KDM5B: variants seen among roughly 807,000 people sequenced by gnomAD.
KDM5B encodes lysine demethylase 5B, also known as lysine-specific demethylase 5B.
KDM5B carries 144 observed loss-of-function variants against 193.4 expected under a neutral mutation model. The ratio of observed to expected loss-of-function variants is 0.74; its 90% confidence interval spans 0.65 to 0.86. The LOEUF (loss-of-function observed/expected upper bound fraction) is 0.86. KDM5B is among the 40% of genes least tolerant of loss of function. KDM5B has a pLI of 0.00. For missense variants in KDM5B, 1,833 were observed against 1,886.9 expected (o/e 0.97, Z 0.53); for synonymous variants, 668 against 682.6 (o/e 0.98, Z 0.33).
At position 202,724,855 on chromosome 1, in the gene KDM5B, G is replaced by T. The variant is rs1654622223; in HGVS notation, c.*4181C>A. ...GCACTCTTCTCCAACTTCTAGCTAG[G>T]TAAGTTTGCCAGGAGCTAAAAGTTT... On this transcript the variant is annotated 3_prime_UTR_variant, in exon 27 of 27. Transcript: ENST00000367265. The T allele has an allele frequency of 6.6e-6, 1 of 152,192 alleles. No homozygotes were observed. The highest frequency in any genetic ancestry group is 1.5e-5 in the Non-Finnish European group (1 of 68,034). 9.4% of individuals were successfully genotyped at this position (152,192 alleles called of 1,614,324 possible). A position where few individuals can be genotyped will look rare whatever the true frequency, so the allele number is the denominator to read the frequency against.
chr1:202,768,977 G>A (rs961115227), intron 4 of KDM5B, among the ~76,000 whole-genome samples: 1 of 151,344 alleles, frequency 6.6e-6, no homozygotes, highest in African/African-American at 2.4e-5. Context: ...GCCTCCCAAA[G>A]TGCTGGGATT....
In KDM5B at chr1:202,750,723, T is replaced by G; in HGVS notation, c.1757A>C (p.Tyr586Ser). The change falls in exon 13 of 27, where the codon TAC (tyrosine) becomes TCC (serine). Residue 586 changes from tyrosine to serine, a missense_variant. Around this residue, in one of 3 missense-constraint regions of KDM5B, gnomAD observed 1,379 missense variants for 1,349.6 expected, o/e 1.02. Transcript: ENST00000367265. ...GEFVITFPRA[Y>S]HSGFNQGFNF... ...AAAACCCTGGTTAAAACCACTGTGGTAGGCTCTTGGAAATGTAATCACAAA... is the reference window on the plus strand; with the variant it reads ...AAAACCCTGGTTAAAACCACTGTGGGAGGCTCTTGGAAATGTAATCACAAA... 6.2e-7 allele frequency: 1 copy of G among 1,613,912 alleles called. No individual in the cohort carries two copies. The highest frequency in any genetic ancestry group is 8.5e-7 in the Non-Finnish European group (1 of 1,179,804).
chr1:202,807,972 AG>A (rs1185195428), intron 1 of KDM5B, 129 bp downstream of exon 1: 1 of 884,382 alleles, frequency 1.1e-6, no homozygotes, highest in Non-Finnish European at 1.6e-6. Flanking sequence ...CCTTCTAGGC[AG>A]CCCCAAACTT....
chr1:202,740,595 A>C (rs1299899432), intron 20 of KDM5B, 79 bp downstream of exon 20: 281 of 1,148,878 alleles, frequency 2.4e-4, no homozygotes, highest in Middle Eastern at 6.7e-4. Flanking sequence ...TGACCCCCCC[A>C]CCTCCCTCCC....
rs1215067820 is a variant in KDM5B at position 202,774,549 on chromosome 1, A to G, written c.405+64T>C. 4 of 1,497,526 alleles carry G rather than the reference A, an allele frequency of 2.7e-6. No individual in the cohort carries two copies. In the Admixed American group the frequency reaches 7.3e-5, roughly 27 times the overall value. 92.8% of individuals were successfully genotyped at this position (1,497,526 alleles called of 1,614,324 possible). A position where few individuals can be genotyped will look rare whatever the true frequency, so the allele number is the denominator to read the frequency against. Reference sequence around the variant, plus strand: ...AGCAATAAGTTCCTTTTTAAGGCAAAGAAGATCAAATTCATTCTGTCAGTA... The same window carrying G: ...AGCAATAAGTTCCTTTTTAAGGCAAGGAAGATCAAATTCATTCTGTCAGTA... On this transcript the variant is annotated intron_variant, in intron 3 of 26. Transcript: ENST00000367265.
At chr1:202,755,819 C>A (rs564507909) in intron 10 of KDM5B, among the ~76,000 whole-genome samples, 1 of 151,972 alleles carries the variant, frequency 6.6e-6, no homozygotes, top group South Asian at 2.1e-4. Context: ...TGAAGGAGAG[C>A]GGGCGAAAAG....
At chr1:202,770,445 G>C (rs889048882) in intron 4 of KDM5B, among the ~76,000 whole-genome samples, 2 of 151,960 alleles carry the variant, frequency 1.3e-5, no homozygotes, top group African/African-American at 2.4e-5. Flanking sequence ...TTTTTCTTAA[G>C]TATATGTTCT....
chr1:202,808,023 C>A, intron 1 of KDM5B, 79 bp downstream of exon 1: 1 of 1,416,608 alleles, frequency 7.1e-7, no homozygotes, highest in South Asian at 1.4e-5. Context: ...GCCCCCCGCG[C>A]CTCGGGCCTC....
Position 202,756,403 on chromosome 1 carries a change from G to C in KDM5B, c.1311C>G (p.Gly437=). Residue 437 remains glycine, a synonymous_variant, in exon 10 of 27, where the codon GGC becomes GGG. Transcript: ENST00000367265. ...ADIASKEFGS[G]FPVRDGKIKL... is the part of the protein sequence containing the mutation. ...TGATTTTCCCATCTCGGACAGGAAA[G>C]CCACTGCCAAATTCCTTTGAGGCAA... 1 of 1,613,342 alleles carries C rather than the reference G, an allele frequency of 6.2e-7. No homozygotes were observed. The highest frequency in any genetic ancestry group is 8.5e-7 in the Non-Finnish European group (1 of 1,179,592).
In KDM5B at chr1:202,733,737, T is replaced by C. The variant is rs370254928; in HGVS notation, c.3573A>G (p.Gln1191=). The part of the protein sequence containing the change: ...CQKAPAAPMI[Q]CELCRDAFHT... ...GGAAAGCATCCCTGCAGAGTTCACA[T>C]TGAATCATAGGGGCAGCTGGGGCCT... is the stretch of plus-strand genomic sequence containing the variant. The change falls in exon 23 of 27, where the codon CAA becomes CAG. Residue 1191 remains glutamine, a synonymous_variant. Coordinates refer to ENST00000367265, the MANE Select transcript of KDM5B (RefSeq NM_006618.5). 2.6e-5 allele frequency: 42 copies of C among 1,614,114 alleles called. No homozygotes were observed. The highest frequency in any genetic ancestry group is 1.3e-4 in the Admixed American group (8 of 60,012).
chr1:202,741,049 A>G (rs564573105), intron 19 of KDM5B, among the ~76,000 whole-genome samples: 1 of 152,336 alleles, frequency 6.6e-6, no homozygotes, highest in Non-Finnish European at 1.5e-5. Flanking sequence ...GAGTTTAAAC[A>G]GCTTCACCTA....
chr1:202,753,417 C>G (rs941240998), intron 11 of KDM5B, among the ~76,000 whole-genome samples: 9 of 152,016 alleles, frequency 5.9e-5, no homozygotes, highest in African/African-American at 2.2e-4. Context: ...TTCACTTGAC[C>G]CCAGGAGGTG....
At chr1:202,785,383 A>C (rs1463880532) in intron 1 of KDM5B, among the ~76,000 whole-genome samples, 1 of 152,108 alleles carries the variant, frequency 6.6e-6, no homozygotes, top group Non-Finnish European at 1.5e-5. Flanking sequence ...CATTTTTTTT[A>C]AAACACAGTG....
chr1:202,738,373 T>C (rs1399237270), intron 20 of KDM5B, among the ~76,000 whole-genome samples: 2 of 152,232 alleles, frequency 1.3e-5, no homozygotes, highest in Non-Finnish European at 2.9e-5. Flanking sequence ...CTAAAACTAA[T>C]TACTACAATA....
chr1:202,780,180 TTTA>T (rs200129057), intron 1 of KDM5B, among the ~76,000 whole-genome samples: 4 of 152,008 alleles, frequency 2.6e-5, no homozygotes, highest in South Asian at 2.1e-4. Context: ...TTATTTTTAT[TTTA>T]TTATTATTAT....
Position 202,740,754 on chromosome 1 carries a change from C to T in KDM5B, c.3004G>A (p.Ala1002Thr), listed in dbSNP as rs1386533134. 1 of 1,613,002 alleles carries T rather than the reference C, an allele frequency of 6.2e-7. No individual in the cohort carries two copies. The highest frequency in any genetic ancestry group is 1.3e-5 in the African/African-American group (1 of 75,028). ...TAVKEIEEIP[A>T]YLPNGAALKD... The stretch of plus-strand genomic sequence containing the variant: ...AGAGCCGCACCATTGGGCAGATATG[C>T]AGGGATCTCTTCGATTTCCTTTACT... Residue 1002 changes from alanine (A) to threonine (T), a missense_variant, in exon 20 of 27, where the codon GCA becomes ACA. Around this residue, in one of 3 missense-constraint regions of KDM5B, gnomAD observed 1,379 missense variants for 1,349.6 expected, o/e 1.02. Coordinates refer to ENST00000367265, the MANE Select transcript of KDM5B (RefSeq NM_006618.5).
In KDM5B at chr1:202,748,977, C is replaced by T. The variant is rs1208220000; in HGVS notation, c.1984G>A (p.Glu662Lys). The T allele has an allele frequency of 6.2e-7, 1 of 1,612,896 alleles. No homozygotes were observed. The highest frequency in any genetic ancestry group is 8.5e-7 in the Non-Finnish European group (1 of 1,179,630). ...QKDMAIMIED[E>K]KALRETVRKL... is the part of the protein sequence containing the mutation. ...CGGACAGTTTCTCTTAAAGCTTTCT[C>T]ATCCTCAATCATAATGGCCATGTCT... is the stretch of plus-strand genomic sequence containing the variant. Residue 662 changes from glutamate (E) to lysine (K), a missense_variant, in exon 14 of 27, where the codon GAG becomes AAG. By Grantham distance (56) the Glu-to-Lys change is moderately conservative. Coordinates refer to ENST00000367265, the MANE Select transcript of KDM5B (RefSeq NM_006618.5).
Position 202,725,470 on chromosome 1 carries a change from T to C in KDM5B, c.*3566A>G, listed in dbSNP as rs1331808583. ...AGCTGAGAAGCTTAAAATAGCCACA[T>C]GCAAAGGATTGATGACAGAGGGGCA... On this transcript the variant is annotated 3_prime_UTR_variant, in exon 27 of 27. Transcript: ENST00000367265. 1 of 152,200 alleles carries C rather than the reference T, an allele frequency of 6.6e-6. No individual in the cohort carries two copies. 9.4% of individuals were successfully genotyped at this position (152,200 alleles called of 1,614,324 possible).
intron 23 of KDM5B, among the ~76,000 whole-genome samples, chr1:202,732,340 A>C (rs1654917880): frequency 2.0e-5 from 3 of 152,216 alleles, no homozygotes; most frequent in Non-Finnish European, 4.4e-5. Context: ...AATCATCCAT[A>C]ACCACTTTCC....
Sources: allele counts gnomAD v4.1 joint callset (sites outside exome capture counted in the v4.1 genomes callset), GRCh38; gene constraint gnomAD v4.1.1; regional missense constraint gnomAD v4.1.1; transcripts MANE v1.5; gene names NCBI Gene and HGNC (gene_info 2026-07-23, HGNC 2026-07-21).